JADE3: variants seen among roughly 807,000 people sequenced by gnomAD.
JADE3 encodes protein Jade-3.
JADE3 carries 2 observed loss-of-function variants against 50.1 expected under a neutral mutation model. The ratio of observed to expected loss-of-function variants is 0.04; its 90% CI spans 0.02 to 0.13. The LOEUF is 0.13. JADE3 is among the 10% of genes least tolerant of loss of function. The pLI, the probability that JADE3 is intolerant of heterozygous loss-of-function variation, is 1.00. For synonymous variants in JADE3, 218 were observed against 232.9 expected (o/e 0.94, Z 0.58); for missense variants, 475 against 634.4 (o/e 0.75, Z 2.70).
At position 46,913,709 on chromosome X, in the gene JADE3, G is replaced by T. The variant is rs782533756; in HGVS notation, c.-12+990G>T. Among the ~76,000 whole-genome samples the T allele has an allele frequency of 6.3e-5, 7 of 110,362 alleles. No individual in the cohort carries two copies. The East Asian group carries it at 2.0e-3, about 31-fold the overall frequency. On this transcript the variant is annotated intron_variant, in intron 1 of 10. Coordinates refer to ENST00000614628, the MANE Select transcript of JADE3 (RefSeq NM_014735.5). ...GCCTGAGTTTGTTATTTGTGAGGAG[G>T]GGGTGGCGGGATCTGGAGTGAGTGA...
intron 1 of JADE3, among the ~76,000 whole-genome samples, chrX:46,961,310 A>G (rs782684845): frequency 1.8e-5 from 2 of 111,619 alleles, no homozygotes; most frequent in South Asian, 7.6e-4. Context: ...CATCATTTAT[A>G]CTGTCTACAA....
intron 1 of JADE3, among the ~76,000 whole-genome samples, chrX:46,957,714 C>A (rs952997509): frequency 1.8e-5 from 2 of 112,122 alleles, no homozygotes; most frequent in Non-Finnish European, 3.8e-5. Flanking sequence ...TTAAGCCACT[C>A]AGATTTTAGG....
intron 10 of JADE3, among the ~76,000 whole-genome samples, chrX:47,056,466 G>A (rs918036093): frequency 4.5e-5 from 5 of 111,471 alleles, no homozygotes; most frequent in Non-Finnish European, 9.4e-5. Flanking sequence ...GCCATTAGTG[G>A]AAGCCATGAA....
chrX:46,965,514 A>T (rs1927348553), intron 1 of JADE3, among the ~76,000 whole-genome samples: 1 of 111,850 alleles, frequency 8.9e-6, no homozygotes, highest in Non-Finnish European at 1.9e-5. Context: ...GGTACTATAC[A>T]CAGGCCACTC....
intron 8 of JADE3, among the ~76,000 whole-genome samples, chrX:47,050,520 T>C (rs1442491378): frequency 8.9e-6 from 1 of 111,933 alleles, no homozygotes; most frequent in Non-Finnish European, 1.9e-5. Flanking sequence ...ACCAGCATTT[T>C]TCACCACCAA....
At chrX:46,936,403 G>A (rs1556341066) in intron 1 of JADE3, among the ~76,000 whole-genome samples, 1 of 111,520 alleles carries the variant, frequency 9.0e-6, no homozygotes, top group African/African-American at 3.3e-5. Flanking sequence ...TTTTGTTGGA[G>A]GTGTTTGTTT....
At chrX:46,959,159 G>A (rs1927199413) in intron 1 of JADE3, among the ~76,000 whole-genome samples, 1 of 112,435 alleles carries the variant, frequency 8.9e-6, no homozygotes, top group African/African-American at 3.2e-5. Context: ...AAGTCCACAG[G>A]CTGCTGACTT....
At chrX:46,940,929 TA>T (rs1348804064) in intron 1 of JADE3, among the ~76,000 whole-genome samples, 1 of 112,064 alleles carries the variant, frequency 8.9e-6, no homozygotes, top group Non-Finnish European at 1.9e-5. Flanking sequence ...TTTTTTCATT[TA>T]AAAATATAAT....
intron 8 of JADE3, among the ~76,000 whole-genome samples, chrX:47,042,260 A>G (rs1556369873): frequency 9.0e-6 from 1 of 111,731 alleles, no homozygotes; most frequent in Non-Finnish European, 1.9e-5. Flanking sequence ...GAGAGAAAAT[A>G]TTGGCCTTGA....
intron 5 of JADE3, among the ~76,000 whole-genome samples, chrX:47,027,564 C>T (rs1928932080): frequency 8.9e-6 from 1 of 111,771 alleles, no homozygotes; most frequent in African/African-American, 3.2e-5. Context: ...GGTGAAAGTC[C>T]TCCTACAGTG....
At chrX:46,992,370 C>A (rs1236772530) in intron 3 of JADE3, among the ~76,000 whole-genome samples, 30 of 565 alleles carry the variant, frequency 0.053, 1 homozygote, top group African/African-American at 0.065. Flanking sequence ...GCGGGTGGGA[C>A]CCCCCCCCCC....
At chrX:46,942,968 T>G (rs1311107553) in intron 1 of JADE3, among the ~76,000 whole-genome samples, 1 of 111,947 alleles carries the variant, frequency 8.9e-6, no homozygotes, top group Non-Finnish European at 1.9e-5. Flanking sequence ...GTCTGGCTAT[T>G]GTAAATGGGA....
In JADE3 at chrX:46,936,916, C is replaced by T. The variant is rs781924608; in HGVS notation, c.-12+24197C>T. On this transcript the variant is annotated intron_variant, in intron 1 of 10. Coordinates refer to ENST00000614628, the MANE Select transcript of JADE3 (RefSeq NM_014735.5). The stretch of plus-strand genomic sequence containing the variant: ...TCAAAGAACCAACTTTTGGCTTCAT[C>T]GATTTTTCTCTGTTGTTTTTCTGTT... Among the ~76,000 whole-genome samples the T allele has an allele frequency of 3.6e-5, 4 of 111,678 alleles. 1 individual carries two copies. The South Asian group carries it at 1.5e-3, about 42-fold the overall frequency.
intron 1 of JADE3, among the ~76,000 whole-genome samples, chrX:46,983,289 C>T (rs782574904): frequency 4.5e-5 from 5 of 111,425 alleles, no homozygotes; most frequent in Non-Finnish European, 9.4e-5. Context: ...ACAGCTCTGG[C>T]GCAGTGGATG....
chrX:47,013,001 A>G (rs1458474629), intron 4 of JADE3, among the ~76,000 whole-genome samples: 1 of 111,437 alleles, frequency 9.0e-6, no homozygotes, highest in African/African-American at 3.3e-5. Context: ...TCCTAGTTTT[A>G]TATTTTGAAA....
chrX:47,008,635 C>A (rs1928491945), intron 4 of JADE3, among the ~76,000 whole-genome samples: 1 of 111,396 alleles, frequency 9.0e-6, no homozygotes, highest in African/African-American at 3.3e-5. Flanking sequence ...TGACAGTTTT[C>A]CCCATTGTTT....
intron 10 of JADE3, among the ~76,000 whole-genome samples, chrX:47,057,532 T>TA (rs1556373601): frequency 9.0e-6 from 1 of 111,379 alleles, no homozygotes; most frequent in Non-Finnish European, 1.9e-5. Flanking sequence ...CTGCTGGCCT[T>TA]ACCACTACAA....
At chrX:47,041,500 C>G (rs1450364389) in intron 8 of JADE3, among the ~76,000 whole-genome samples, 1 of 109,693 alleles carries the variant, frequency 9.1e-6, no homozygotes, top group Non-Finnish European at 1.9e-5. Flanking sequence ...AAATGATCCT[C>G]CCGAGTAGCT....
Position 47,059,043 on chromosome X carries a change from C to T in JADE3, c.2438C>T (p.Thr813Ile). The T allele has an allele frequency of 1.7e-6, 2 of 1,202,762 alleles. No homozygotes were observed. The change falls in exon 11 of 11, where the codon ACA becomes ATA. Residue 813 changes from threonine (T) to isoleucine (I), a missense_variant. Physicochemically the swap from Thr to Ile is moderately conservative, Grantham distance 89 (BLOSUM62 -1). This residue lies in a region of JADE3 where 243 missense variants were observed against 238.2 expected (regional missense o/e 1.02). Transcript: ENST00000614628. ...SRRDCHGKSK[T>I]HPLSHSSMQR ...CGGGATTGCCATGGTAAAAGCAAGA[C>T]ACATCCCCTTTCCCACAGTTCAATG...
Sources: allele counts gnomAD v4.1 joint callset (sites outside exome capture counted in the v4.1 genomes callset), GRCh38; gene constraint gnomAD v4.1.1; regional missense constraint gnomAD v4.1.1; transcripts MANE v1.5; gene names NCBI Gene and HGNC (gene_info 2026-07-23, HGNC 2026-07-21).